Variants in GRID2 observed in about 807,000 individuals in gnomAD.
GRID2 encodes the protein glutamate ionotropic receptor delta type subunit 2.
GRID2 carries 33 observed loss-of-function variants against 114.8 expected under a neutral mutation model. That is an observed-to-expected ratio of 0.29 (90% CI 0.22 to 0.38). The LOEUF (loss-of-function observed/expected upper bound fraction) is 0.38, where lower values mean the gene tolerates loss of function less well. Ranked by LOEUF, GRID2 falls within the 10% of genes least tolerant of loss-of-function variation. GRID2 has a pLI of 1.00. For synonymous variants in GRID2, 505 were observed against 449.9 expected (o/e 1.12, Z -1.55); for missense variants, 1,184 against 1,257.7 (o/e 0.94, Z 0.89).
At chr4:93,141,143 A>G (rs1327047820) in intron 4 of GRID2, among the ~76,000 whole-genome samples, 7 of 152,056 alleles carry the variant, frequency 4.6e-5, no homozygotes, top group African/African-American at 1.4e-4. Context: ...TCTGTTATTT[A>G]TTACTATTTT....
chr4:93,753,908 A>G (rs947605540), intron 14 of GRID2, among the ~76,000 whole-genome samples: 6 of 152,200 alleles, frequency 3.9e-5, no homozygotes, highest in African/African-American at 1.4e-4. Context: ...TTATACAGTC[A>G]TGGATCACTT....
chr4:92,990,246 GTGTGAT>G (rs1242813741), intron 2 of GRID2, among the ~76,000 whole-genome samples: 5 of 89,468 alleles, frequency 5.6e-5, no homozygotes, highest in East Asian at 3.5e-4. Context: ...GTGTGTGTGT[GTGTGAT>G]ATATGTATAT....
At chr4:93,156,500 G>A (rs1315931683) in intron 4 of GRID2, among the ~76,000 whole-genome samples, 1 of 151,732 alleles carries the variant, frequency 6.6e-6, no homozygotes, top group South Asian at 2.1e-4. Context: ...GAAAGAAGAA[G>A]ATTCACAGGC....
At chr4:92,523,985 A>G (rs1395337272) in intron 1 of GRID2, among the ~76,000 whole-genome samples, 2 of 152,172 alleles carry the variant, frequency 1.3e-5, no homozygotes, top group African/African-American at 2.4e-5. Flanking sequence ...AGAAGGTAAG[A>G]TGTGCTTAAA....
intron 4 of GRID2, among the ~76,000 whole-genome samples, chr4:93,160,727 T>C (rs566619670): frequency 4.1e-4 from 62 of 151,910 alleles, no homozygotes; most frequent in African/African-American, 1.4e-3. Flanking sequence ...ATTTCTCTAA[T>C]AGAGCTGTTA....
At chr4:93,216,152 G>A (rs1226783009) in intron 5 of GRID2, among the ~76,000 whole-genome samples, 1 of 151,154 alleles carries the variant, frequency 6.6e-6, no homozygotes, top group African/African-American at 2.4e-5. Context: ...CTTACCAAGA[G>A]AAACATACGA....
chr4:92,659,852 C>A (rs1383726607), intron 2 of GRID2, among the ~76,000 whole-genome samples: 1 of 151,340 alleles, frequency 6.6e-6, no homozygotes. Flanking sequence ...TTTTTGTAAG[C>A]AGCATGTGGA....
intron 2 of GRID2, among the ~76,000 whole-genome samples, chr4:92,940,621 A>G (rs1000578657): frequency 7.2e-5 from 11 of 152,124 alleles, no homozygotes; most frequent in Admixed American, 5.2e-4. Context: ...AGGAGTGGTG[A>G]GAGAGGGCAT....
chr4:93,529,918 A>G (rs983541975), intron 13 of GRID2, among the ~76,000 whole-genome samples: 3 of 152,040 alleles, frequency 2.0e-5, no homozygotes, highest in Admixed American at 2.0e-4. Context: ...ACACTCAACT[A>G]ATTACCTTTC....
chr4:93,031,431 C>T (rs1388813383), intron 2 of GRID2, among the ~76,000 whole-genome samples: 1 of 152,134 alleles, frequency 6.6e-6, no homozygotes, highest in Non-Finnish European at 1.5e-5. Flanking sequence ...CTGCCTGACA[C>T]CACAAGCATT....
At chr4:92,402,801 C>G (rs1346629131) in intron 1 of GRID2, among the ~76,000 whole-genome samples, 1 of 152,192 alleles carries the variant, frequency 6.6e-6, no homozygotes, top group East Asian at 1.9e-4. Flanking sequence ...GCATTAGTCT[C>G]TAACAAGAGA....
intron 8 of GRID2, among the ~76,000 whole-genome samples, chr4:93,247,341 A>T (rs979156002): frequency 6.6e-6 from 1 of 152,156 alleles, no homozygotes; most frequent in Non-Finnish European, 1.5e-5. Context: ...TAGCATTTTA[A>T]TTGGCGTACT....
chr4:93,235,891 T>A (rs1051874819), intron 7 of GRID2, among the ~76,000 whole-genome samples: 15 of 152,104 alleles, frequency 9.9e-5, no homozygotes, highest in Admixed American at 8.5e-4. Flanking sequence ...AACACCAGAT[T>A]AGTCTAGTGC....
At chr4:93,075,661 T>A (rs1298988764) in intron 2 of GRID2, among the ~76,000 whole-genome samples, 1 of 152,136 alleles carries the variant, frequency 6.6e-6, no homozygotes, top group Non-Finnish European at 1.5e-5. Flanking sequence ...TTTCCATATT[T>A]TCTGGCAATG....
chr4:92,510,154 GTAACTATGGTT>G (rs1311575269), intron 1 of GRID2, among the ~76,000 whole-genome samples: 1 of 151,892 alleles, frequency 6.6e-6, no homozygotes, highest in Non-Finnish European at 1.5e-5. Context: ...GTGAATGATA[GTAACTATGGTT>G]TAACTGTGGA....
intron 13 of GRID2, among the ~76,000 whole-genome samples, chr4:93,544,295 T>C (rs550793438): frequency 7.4e-6 from 1 of 135,006 alleles, no homozygotes; most frequent in South Asian, 2.3e-4. Context: ...GGTTAGCATT[T>C]AAAATAAGCA....
chr4:93,712,365 T>A (rs1204675623), intron 14 of GRID2, among the ~76,000 whole-genome samples: 2 of 152,170 alleles, frequency 1.3e-5, no homozygotes, highest in African/African-American at 4.8e-5. Context: ...AATTACACTA[T>A]CATCATAGTT....
chr4:93,736,295 G>C (rs1365420294), intron 14 of GRID2, among the ~76,000 whole-genome samples: 1 of 151,974 alleles, frequency 6.6e-6, no homozygotes, highest in Non-Finnish European at 1.5e-5. Flanking sequence ...TTACTCTGCT[G>C]CTAGGCACTC....
chr4:92,400,595 A>G (rs1261768540), intron 1 of GRID2, among the ~76,000 whole-genome samples: 1 of 152,154 alleles, frequency 6.6e-6, no homozygotes, highest in East Asian at 1.9e-4. Flanking sequence ...GTGTGGCCCT[A>G]TATTTTCAAT....
Sources: gnomAD v4.1 joint callset for allele counts (sites outside exome capture counted in the v4.1 genomes callset) on GRCh38, gnomAD v4.1.1 for gene constraint, MANE v1.5 for transcripts, NCBI Gene and HGNC (gene_info 2026-07-23, HGNC 2026-07-21) for gene names.